ZKSCAN2: variants seen among roughly 807,000 people sequenced by gnomAD.
ZKSCAN2 encodes zinc finger protein with KRAB and SCAN domains 2.
A neutral mutation model predicts 90.5 loss-of-function variants in ZKSCAN2; 38 were observed. The observed-to-expected ratio is 0.42, with a 90% CI of 0.32 to 0.55. The LOEUF (loss-of-function observed/expected upper bound fraction) is 0.55. Among genes scored for constraint, ZKSCAN2 ranks in the 20% least tolerant of loss-of-function variants. The probability of loss-of-function intolerance (pLI) is 0.11; values close to 1 mark genes in which losing one functional copy is unlikely to be tolerated. For missense variants in ZKSCAN2, 1,167 were observed against 1,202.6 expected, an observed-to-expected ratio of 0.97 and a Z score of 0.44; for synonymous variants, 429 against 421.6, an observed-to-expected ratio of 1.02 and a Z score of -0.22.
chr16:25,244,346 T>C, intron 5 of ZKSCAN2, 70 bp from the exon 6 acceptor site: 2 of 1,497,754 alleles, frequency 1.3e-6, no homozygotes, highest in Non-Finnish European at 1.8e-6. Context: ...CTATATACAT[T>C]AAGAAATGTA....
At chr16:25,254,505 A>C (rs969488907) in intron 2 of ZKSCAN2, among the ~76,000 whole-genome samples, 6 of 152,232 alleles carry the variant, frequency 3.9e-5, no homozygotes, top group Admixed American at 1.3e-4. Flanking sequence ...CCTTTCAAAC[A>C]GCTTTTTGAC....
Position 25,257,470 on chromosome 16 carries a change from G to A in ZKSCAN2, c.-343C>T. 1 of 1,025,236 alleles carries A rather than the reference G, an allele frequency of 9.8e-7. No individual in the cohort carries two copies. Among genetic ancestry groups the A allele is most frequent in the Non-Finnish European group, 1.2e-6 (1 of 857,236 alleles). The allele number at this position is 1,025,236 out of a possible 1,614,324, so 63.5% of individuals were successfully genotyped here. On this transcript the variant is annotated 5_prime_UTR_variant, in exon 1 of 7. Transcript: ENST00000328086. The stretch of plus-strand genomic sequence containing the variant: ...GCAGGCTGAGGAAAGGCTGGGCGGA[G>A]GCGGACAGCCGGGCCGGGAGGGGGT...
rs755589722 is a variant in ZKSCAN2 at position 25,246,921 on chromosome 16, C to G, written c.1275G>C (p.Leu425Phe). ...PCAFFEDMDALLNPAARAPST... is the reference protein window; with the variant it reads ...PCAFFEDMDAFLNPAARAPST... ...ACGGAGCACGGGCTGCAGGGTTCAA[C>G]AAAGCATCCATGTCCTCAAAGAAGG... The change falls in exon 5 of 7, where the codon TTG becomes TTC. Residue 425 changes from leucine (L) to phenylalanine (F), a missense_variant. Coordinates refer to ENST00000328086, the MANE Select transcript of ZKSCAN2 (RefSeq NM_001012981.5). 1 of 1,614,168 alleles carries G rather than the reference C, an allele frequency of 6.2e-7. No homozygotes were observed. The highest frequency in any genetic ancestry group is 1.1e-5 in the South Asian group (1 of 91,084).
chr16:25,251,558 A>G (rs951470103), intron 4 of ZKSCAN2, among the ~76,000 whole-genome samples: 1 of 152,200 alleles, frequency 6.6e-6, no homozygotes, highest in African/African-American at 2.4e-5. Context: ...CGTAATTTGA[A>G]TCCTAGCTAC....
At chr16:25,244,593 A>C (rs1201073697) in intron 5 of ZKSCAN2, among the ~76,000 whole-genome samples, 1 of 152,210 alleles carries the variant, frequency 6.6e-6, no homozygotes, top group Non-Finnish European at 1.5e-5. Context: ...ACTAATCTCA[A>C]AGCTTATTTG....
In ZKSCAN2 at chr16:25,240,706, G is replaced by C; in HGVS notation, c.2014C>G (p.Pro672Ala). The change falls in exon 7 of 7, where the codon CCA becomes GCA. Residue 672 changes from proline to alanine, a missense_variant. Physicochemically the swap from Pro to Ala is conservative, Grantham distance 27 (BLOSUM62 -1). Coordinates refer to ENST00000328086, the MANE Select transcript of ZKSCAN2 (RefSeq NM_001012981.5). ...FEIGSSIKEDPTQIVYKDMEQ... is the reference protein window; with the variant it reads ...FEIGSSIKEDATQIVYKDMEQ... ...ATGTCCTTATATACTATCTGTGTTG[G>C]ATCCTCCTTGATGCTACTTCCGATT... The C allele has an allele frequency of 6.2e-7, 1 of 1,609,900 alleles. No individual in the cohort carries two copies. Among genetic ancestry groups the C allele is most frequent in the Middle Eastern group, 1.7e-4 (1 of 6,048 alleles).
intron 6 of ZKSCAN2, among the ~76,000 whole-genome samples, chr16:25,243,005 G>A (rs1310086568): frequency 6.6e-6 from 1 of 152,260 alleles, no homozygotes; most frequent in Non-Finnish European, 1.5e-5. Flanking sequence ...TGAGTTACTA[G>A]TGACAGGCCC....
chr16:25,252,908 A>C, intron 3 of ZKSCAN2, 38 bp downstream of exon 3: 9 of 1,515,964 alleles, frequency 5.9e-6, no homozygotes, highest in Middle Eastern at 1.7e-4. Context: ...ACAGAGTGAG[A>C]CTCCATCTCA....
chr16:25,257,277 T>C lies in ZKSCAN2; in HGVS notation c.-150A>G. On this transcript the variant is annotated 5_prime_UTR_variant, in exon 1 of 7. An upstream open reading frame in the 5' UTR loses its in-frame stop. Coordinates refer to ENST00000328086, the MANE Select transcript of ZKSCAN2 (RefSeq NM_001012981.5). ...CAGGAACAGGGTATTCCAGGCTGAT[T>C]AATCAAATCTATGCCAGGCCCTTGA... is the stretch of plus-strand genomic sequence containing the variant. The C allele has an allele frequency of 6.8e-7, 1 of 1,464,184 alleles. No individual in the cohort carries two copies. Among genetic ancestry groups the C allele is most frequent in the Non-Finnish European group, 9.0e-7 (1 of 1,115,490 alleles). The allele number at this position is 1,464,184 out of a possible 1,614,324, so 90.7% of individuals were successfully genotyped here. A position where few individuals can be genotyped will look rare whatever the true frequency, so the allele number is the denominator to read the frequency against.
chr16:25,254,209 T>C (rs1448950137), intron 2 of ZKSCAN2, among the ~76,000 whole-genome samples: 1 of 152,170 alleles, frequency 6.6e-6, no homozygotes, highest in African/African-American at 2.4e-5. Context: ...AGACAGAAGG[T>C]GGCAGAGACA....
At chr16:25,256,291 G>C (rs993947234) in intron 1 of ZKSCAN2, among the ~76,000 whole-genome samples, 2 of 151,908 alleles carry the variant, frequency 1.3e-5, no homozygotes, top group African/African-American at 4.8e-5. Context: ...AAGACACTGA[G>C]TGCAACAGTA....
At position 25,246,893 on chromosome 16, in the gene ZKSCAN2, T is replaced by C. The variant is rs1962941829; in HGVS notation, c.1303A>G (p.Thr435Ala). Residue 435 changes from threonine to alanine, a missense_variant, in exon 5 of 7, where the codon ACT becomes GCT. Physicochemically the swap from Thr to Ala is moderately conservative, Grantham distance 58. Transcript: ENST00000328086. Reference sequence around the variant, plus strand: ...GGTATCATCTCCTTTGGTTTATCAGTGGACGGAGCACGGGCTGCAGGGTTC... The same window carrying C: ...GGTATCATCTCCTTTGGTTTATCAGCGGACGGAGCACGGGCTGCAGGGTTC... Reference protein sequence around the residue: ...LLNPAARAPSTDKPKEMIPVP... With the variant: ...LLNPAARAPSADKPKEMIPVP... The C allele has an allele frequency of 3.7e-6, 6 of 1,614,034 alleles. No homozygotes were observed. The African/African-American group carries it at 5.3e-5, about 14-fold the overall frequency.
chr16:25,257,508 C>G lies in ZKSCAN2; in HGVS notation c.-381G>C, dbSNP rs1207077126. 1 of 994,960 alleles carries G rather than the reference C, an allele frequency of 1.0e-6. No homozygotes were observed. Among genetic ancestry groups the G allele is most frequent in the East Asian group, 1.1e-4 (1 of 9,204 alleles). The allele number at this position is 994,960 out of a possible 1,614,324, so 61.6% of individuals were successfully genotyped here. A position where few individuals can be genotyped will look rare whatever the true frequency, so the allele number is the denominator to read the frequency against. ...GCCGGGAGGGGGTGTGTCCGCTACT[C>G]CCGGGTCGGGCGCGGAGAGGCGAGT... On this transcript the variant is annotated 5_prime_UTR_variant, in exon 1 of 7. Coordinates refer to ENST00000328086, the MANE Select transcript of ZKSCAN2 (RefSeq NM_001012981.5).
intron 6 of ZKSCAN2, among the ~76,000 whole-genome samples, chr16:25,242,973 T>A (rs1414265917): frequency 6.6e-6 from 1 of 152,170 alleles, no homozygotes; most frequent in Non-Finnish European, 1.5e-5. Context: ...GATGGTGAAG[T>A]TAGTTTTGAA....
intron 6 of ZKSCAN2, 65 bp from the exon 7 acceptor site, chr16:25,240,803 T>G (rs1962841443): frequency 5.0e-6 from 7 of 1,407,410 alleles, no homozygotes; most frequent in Non-Finnish European, 6.9e-6. Context: ...CAACCTGGCT[T>G]GCAAGGCTTG....
chr16:25,247,478 A>G (rs1962952276), intron 4 of ZKSCAN2, 88 bp from the exon 5 acceptor site: 1 of 1,132,352 alleles, frequency 8.8e-7, no homozygotes, highest in South Asian at 1.5e-5. Context: ...CTCCTGGGCC[A>G]CTTGTTCACA....
At chr16:25,248,601 A>C (rs540729985) in intron 4 of ZKSCAN2, among the ~76,000 whole-genome samples, 1 of 152,346 alleles carries the variant, frequency 6.6e-6, no homozygotes, top group African/African-American at 2.4e-5. Context: ...AGCCACAATG[A>C]GGTATCATTT....
Position 25,252,991 on chromosome 16 carries a change from G to T in ZKSCAN2, c.633C>A (p.Thr211=). 6.2e-7 allele frequency: 1 copy of T among 1,614,002 alleles called. No homozygotes were observed. The highest frequency in any genetic ancestry group is 8.5e-7 in the Non-Finnish European group (1 of 1,179,948). ...WVPALADEWN[T]LDQEVTTTRL... is the part of the protein sequence containing the mutation. ...GTGTGGTTGTCACTTCCTGATCTAG[G>T]GTATTCCATTCATCAGCAAGGGCAG... Residue 211 remains threonine, a synonymous_variant, in exon 3 of 7, where the codon ACC becomes ACA. Coordinates refer to ENST00000328086, the MANE Select transcript of ZKSCAN2 (RefSeq NM_001012981.5).
At chr16:25,255,829 T>C (rs1963093243) in intron 1 of ZKSCAN2, among the ~76,000 whole-genome samples, 1 of 152,144 alleles carries the variant, frequency 6.6e-6, no homozygotes, top group Non-Finnish European at 1.5e-5. Flanking sequence ...GTGATCAACA[T>C]GCCTCGGCCT....
Sources: allele counts gnomAD v4.1 joint callset (sites outside exome capture counted in the v4.1 genomes callset), GRCh38; gene constraint gnomAD v4.1.1; transcripts MANE v1.5; gene names NCBI Gene and HGNC (gene_info 2026-07-23, HGNC 2026-07-21).